MGAT4C: variants seen among roughly 807,000 people sequenced by gnomAD.
The protein encoded by MGAT4C is alpha-1,3-mannosyl-glycoprotein 4-beta-N-acetylglucosaminyltransferase C.
A neutral mutation model predicts 40.1 loss-of-function variants in MGAT4C; 19 were observed. The ratio of observed to expected loss-of-function variants is 0.47; its 90% CI spans 0.33 to 0.70. The LOEUF (loss-of-function observed/expected upper bound fraction) is 0.70. Among genes scored for constraint, MGAT4C ranks in the 30% least tolerant of loss-of-function variants. MGAT4C has a pLI of 0.02. For synonymous variants in MGAT4C, 181 were observed against 187.1 expected, an observed-to-expected ratio of 0.97 and a Z score of 0.27; for missense variants, 491 against 563.2, an observed-to-expected ratio of 0.87 and a Z score of 1.30.
intron 1 of MGAT4C, among the ~76,000 whole-genome samples, chr12:86,099,482 C>T (rs941327386): frequency 9.3e-5 from 14 of 151,026 alleles, no homozygotes; most frequent in Non-Finnish European, 1.8e-4. Context: ...GCAAATTCTA[C>T]AAAGAACTTA....
Position 85,962,746 on chromosome 12 carries a change from C to T in MGAT4C, c.*16543G>A, listed in dbSNP as rs1883180029. On this transcript the variant is annotated 3_prime_UTR_variant, in exon 5 of 5. Transcript: ENST00000611864. ...GAAAAAAATCATTATTTTTATTAAT[C>T]CCAAGATATTTTATTTCATTATATA... 2 of 150,976 alleles carry T rather than the reference C, an allele frequency of 1.3e-5. No homozygotes were observed. Among genetic ancestry groups the T allele is most frequent in the African/African-American group, 4.8e-5 (2 of 41,380 alleles). The allele number at this position is 150,976 out of a possible 1,614,324, so 9.4% of individuals were successfully genotyped here.
At chr12:86,041,913 T>C (rs970001533) in intron 2 of MGAT4C, among the ~76,000 whole-genome samples, 3 of 152,196 alleles carry the variant, frequency 2.0e-5, no homozygotes, top group African/African-American at 7.2e-5. Context: ...CTGTGGGGCG[T>C]TGAACCCTCC....
intron 3 of MGAT4C, among the ~76,000 whole-genome samples, chr12:86,368,595 G>A (rs1318136360): frequency 2.8e-5 from 4 of 142,172 alleles, no homozygotes; most frequent in African/African-American, 7.4e-5. Context: ...GCATTTTTTT[G>A]TTTGTTTCTA....
intron 3 of MGAT4C, among the ~76,000 whole-genome samples, chr12:86,349,700 T>C (rs1955117540): frequency 2.0e-5 from 3 of 152,266 alleles, no homozygotes; most frequent in East Asian, 1.9e-4. Context: ...CTGGATCACA[T>C]AGCCAGTAAG....
In MGAT4C at chr12:86,111,082, A is replaced by G. The variant is rs1025742005; in HGVS notation, c.-56-61359T>C. Among the ~76,000 whole-genome samples, 4 of 151,962 alleles carry G rather than the reference A, an allele frequency of 2.6e-5. No individual in the cohort carries two copies. The South Asian group carries it at 8.3e-4, about 31-fold the overall frequency. On this transcript the variant is annotated intron_variant, in intron 1 of 4. Transcript: ENST00000611864. ...TTTTATGAATTTAATAAAATGTTAA[A>G]GTAACTTTTATAGTTTTTAAACCAT...
intron 1 of MGAT4C, among the ~76,000 whole-genome samples, chr12:86,828,630 G>C (rs1032029622): frequency 2.6e-5 from 4 of 151,386 alleles, no homozygotes; most frequent in African/African-American, 9.7e-5. Flanking sequence ...CAAACCATAT[G>C]TACATGAACT....
intron 3 of MGAT4C, among the ~76,000 whole-genome samples, chr12:86,362,305 G>T (rs1244037593): frequency 2.0e-5 from 3 of 152,194 alleles, no homozygotes; most frequent in African/African-American, 4.8e-5. Context: ...CTTGGACACA[G>T]GGTGGGGAAC....
rs528971723 is a variant in MGAT4C at position 86,353,106 on chromosome 12, G to C, written c.-119-18979C>G. Among the ~76,000 whole-genome samples the C allele has an allele frequency of 3.3e-5, 5 of 151,588 alleles. No individual in the cohort carries two copies. In the South Asian group the frequency reaches 1.0e-3, roughly 32 times the overall value. On this transcript the variant is annotated intron_variant, in intron 3 of 7. Transcript: ENST00000548651. ...ATCCAGAATCTAACCACTTCTCACT[G>C]TTTCCATTGAGCTATCATTATCTCT...
chr12:86,055,108 T>G (rs895499436), intron 1 of MGAT4C, among the ~76,000 whole-genome samples: 1 of 152,000 alleles, frequency 6.6e-6, no homozygotes. Flanking sequence ...AAATATTCAG[T>G]AAGTTTTTGT....
At chr12:86,097,141 C>T (rs1874083945) in intron 1 of MGAT4C, among the ~76,000 whole-genome samples, 1 of 151,538 alleles carries the variant, frequency 6.6e-6, no homozygotes, top group Non-Finnish European at 1.5e-5. Context: ...CAATCTTGGT[C>T]TCAAAATTTC....
Position 86,629,666 on chromosome 12 carries a change from C to T in MGAT4C, c.-229+97543G>A, listed in dbSNP as rs187538577. ...TCCTGAAGGACTACTGGGTACATAA[C>T]GAAATGAAGGCAGAAATAAAGATGT... On this transcript the variant is annotated intron_variant, in intron 2 of 7. Transcript: ENST00000548651. Among the ~76,000 whole-genome samples the T allele has an allele frequency of 2.6e-3, 389 of 152,138 alleles. 1 individual carries two copies. The highest frequency in any genetic ancestry group is 8.7e-3 in the African/African-American group (362 of 41,518).
intron 1 of MGAT4C, among the ~76,000 whole-genome samples, chr12:86,807,815 C>T (rs2136212214): frequency 6.6e-6 from 1 of 152,114 alleles, no homozygotes; most frequent in Non-Finnish European, 1.5e-5. Context: ...TTAATAATTG[C>T]CATTCTGACT....
intron 3 of MGAT4C, among the ~76,000 whole-genome samples, chr12:86,369,109 A>G (rs1955668628): frequency 6.6e-6 from 1 of 151,932 alleles, no homozygotes; most frequent in Admixed American, 6.6e-5. Context: ...TTTTATTATT[A>G]TGTAATATCT....
chr12:86,164,791 A>G (rs1305654519), intron 1 of MGAT4C, among the ~76,000 whole-genome samples: 1 of 152,188 alleles, frequency 6.6e-6, no homozygotes, highest in Non-Finnish European at 1.5e-5. Flanking sequence ...TTATGTTGCT[A>G]GAGAGGAAGG....
intron 1 of MGAT4C, among the ~76,000 whole-genome samples, chr12:86,757,367 C>CA (rs1951323534): frequency 6.6e-6 from 1 of 151,944 alleles, no homozygotes; most frequent in East Asian, 1.9e-4. Flanking sequence ...AAGTATAAAA[C>CA]AAAAAATTCT....
At position 85,957,520 on chromosome 12, in the gene MGAT4C, C is replaced by T. The variant is rs1171419521; in HGVS notation, c.*21769G>A. The T allele has an allele frequency of 2.0e-5, 3 of 152,030 alleles. No individual in the cohort carries two copies. The highest frequency in any genetic ancestry group is 2.0e-4 in the Admixed American group (3 of 15,236). The allele number at this position is 152,030 out of a possible 1,614,324, so 9.4% of individuals were successfully genotyped here. On this transcript the variant is annotated 3_prime_UTR_variant, in exon 5 of 5. Coordinates refer to ENST00000611864, the MANE Select transcript of MGAT4C (RefSeq NM_001351288.2). ...TTGAGAGTTATTATTAAGCATGCTA[C>T]ATATATCTGTTAGCTGTGAAGGAAG...
chr12:86,310,829 C>T (rs991482928), intron 4 of MGAT4C, among the ~76,000 whole-genome samples: 15 of 152,136 alleles, frequency 9.9e-5, no homozygotes, highest in Non-Finnish European at 4.4e-5. Context: ...GAGGCTGAGG[C>T]AGGGGAATTG....
intron 2 of MGAT4C, among the ~76,000 whole-genome samples, chr12:85,994,620 C>CA (rs1236813353): frequency 1.3e-5 from 2 of 151,894 alleles, no homozygotes; most frequent in African/African-American, 4.8e-5. Flanking sequence ...AAAATCCCCC[C>CA]CCAGCCGCCA....
intron 2 of MGAT4C, among the ~76,000 whole-genome samples, chr12:86,449,892 A>C (rs989360152): frequency 7.9e-5 from 12 of 152,126 alleles, no homozygotes; most frequent in Admixed American, 7.9e-4. Flanking sequence ...TTGACTGTTT[A>C]ATGGGTGCAG....
Sources: allele counts gnomAD v4.1 joint callset (sites outside exome capture counted in the v4.1 genomes callset), GRCh38; gene constraint gnomAD v4.1.1; transcripts MANE v1.5; gene names NCBI Gene and HGNC (gene_info 2026-07-23, HGNC 2026-07-21).